STK39: variants seen among roughly 807,000 people sequenced by gnomAD.
The protein encoded by STK39 is serine/threonine kinase 39.
Under a neutral mutation model 77.8 loss-of-function variants are expected in STK39, and 20 were observed. That is an observed-to-expected ratio of 0.26 (90% CI 0.18 to 0.37). STK39 has a LOEUF of 0.37. Ranked by LOEUF, STK39 falls within the 10% of genes least tolerant of loss-of-function variation. The pLI is 1.00. For missense variants in STK39, 479 were observed against 656.5 expected, an observed-to-expected ratio of 0.73 and a Z score of 2.95; for synonymous variants, 246 against 234.1, an observed-to-expected ratio of 1.05 and a Z score of -0.47.
intron 8 of STK39, among the ~76,000 whole-genome samples, chr2:168,134,015 G>C (rs750910286): frequency 6.6e-6 from 1 of 152,076 alleles, no homozygotes; most frequent in South Asian, 2.1e-4. Flanking sequence ...TGGCTAATGT[G>C]GAACCACCAG....
chr2:168,242,319 T>G (rs61063785), intron 1 of STK39, among the ~76,000 whole-genome samples: 3,864 of 151,640 alleles, frequency 0.025, 169 homozygotes, highest in African/African-American at 0.084. Context: ...CCCAGCAACT[T>G]GGGAGGCTGA....
chr2:168,107,435 T>C (rs1316612954), intron 10 of STK39, among the ~76,000 whole-genome samples: 1 of 152,202 alleles, frequency 6.6e-6, no homozygotes, highest in Non-Finnish European at 1.5e-5. Flanking sequence ...ATACCTCTCC[T>C]AAAAGATGTT....
At chr2:168,016,442 ATAG>A (rs1684412763) in intron 15 of STK39, among the ~76,000 whole-genome samples, 1 of 150,770 alleles carries the variant, frequency 6.6e-6, no homozygotes, top group Non-Finnish European at 1.5e-5. Context: ...GTGAAATAAG[ATAG>A]GAAATCCTCC....
chr2:168,151,056 T>G (rs1487124477), intron 5 of STK39, among the ~76,000 whole-genome samples: 1 of 152,136 alleles, frequency 6.6e-6, no homozygotes, highest in Non-Finnish European at 1.5e-5. Flanking sequence ...TGGCATGGTG[T>G]CCAAGTCATT....
At chr2:168,022,168 G>A (rs997098458) in intron 14 of STK39, among the ~76,000 whole-genome samples, 39 of 152,132 alleles carry the variant, frequency 2.6e-4, no homozygotes, top group Non-Finnish European at 8.8e-5. Context: ...CCCATTCTAT[G>A]AACAGACTGT....
At chr2:168,165,001 G>A (rs982425925) in intron 3 of STK39, among the ~76,000 whole-genome samples, 2 of 151,906 alleles carry the variant, frequency 1.3e-5, no homozygotes, top group Admixed American at 1.3e-4. Flanking sequence ...ACAGCTGCCT[G>A]CCCCTCATTA....
intron 12 of STK39, among the ~76,000 whole-genome samples, chr2:168,070,442 TC>T (rs1341466966): frequency 7.3e-5 from 11 of 151,152 alleles, no homozygotes; most frequent in African/African-American, 9.8e-5. Context: ...CTTCGATATT[TC>T]TTTTTTTTTT....
At chr2:168,154,394 G>C (rs966342884) in intron 5 of STK39, among the ~76,000 whole-genome samples, 2 of 152,106 alleles carry the variant, frequency 1.3e-5, no homozygotes, top group African/African-American at 4.8e-5. Context: ...GACCACTGGG[G>C]GCCTAGACTG....
chr2:168,116,633 C>A (rs1687265920), intron 10 of STK39, among the ~76,000 whole-genome samples: 1 of 152,142 alleles, frequency 6.6e-6, no homozygotes, highest in Non-Finnish European at 1.5e-5. Context: ...ACATATGTAC[C>A]ACACCCCCTG....
At chr2:168,039,268 C>A (rs1044156562) in intron 14 of STK39, among the ~76,000 whole-genome samples, 8 of 152,078 alleles carry the variant, frequency 5.3e-5, no homozygotes, top group Non-Finnish European at 7.3e-5. Context: ...ATATAAAAGT[C>A]TATAAAATTC....
intron 14 of STK39, among the ~76,000 whole-genome samples, chr2:168,032,892 T>A (rs939423039): frequency 6.6e-6 from 1 of 152,236 alleles, no homozygotes; most frequent in Non-Finnish European, 1.5e-5. Context: ...AACTTTAATT[T>A]AAGAAAATTA....
At chr2:168,082,110 CCTT>C (rs1227321629) in intron 10 of STK39, among the ~76,000 whole-genome samples, 1 of 152,158 alleles carries the variant, frequency 6.6e-6, no homozygotes, top group Non-Finnish European at 1.5e-5. Context: ...ACAATGGATT[CCTT>C]CTTTTTACAA....
intron 5 of STK39, among the ~76,000 whole-genome samples, chr2:168,147,802 A>G (rs1261100113): frequency 1.3e-5 from 2 of 152,188 alleles, no homozygotes; most frequent in Admixed American, 1.3e-4. Flanking sequence ...TAAAAGCACC[A>G]TCTTCTGCTG....
At chr2:168,158,840 T>C (rs1273378397) in intron 5 of STK39, among the ~76,000 whole-genome samples, 2 of 152,214 alleles carry the variant, frequency 1.3e-5, no homozygotes, top group Admixed American at 6.5e-5. Flanking sequence ...CAAGACACAT[T>C]AGTTCCTGAT....
At chr2:168,124,136 T>A (rs1687480410) in intron 10 of STK39, among the ~76,000 whole-genome samples, 1 of 152,094 alleles carries the variant, frequency 6.6e-6, no homozygotes, top group Non-Finnish European at 1.5e-5. Context: ...ACCCTTTACC[T>A]CCTTCTGATA....
At chr2:167,992,870 C>T (rs1683735916) in intron 16 of STK39, among the ~76,000 whole-genome samples, 1 of 152,156 alleles carries the variant, frequency 6.6e-6, no homozygotes. Context: ...TAAAAATAAA[C>T]ACATATAGCA....
chr2:168,032,203 G>A (rs150758165), intron 14 of STK39, among the ~76,000 whole-genome samples: 5 of 152,260 alleles, frequency 3.3e-5, no homozygotes, highest in East Asian at 3.9e-4. Context: ...ATATGTAATC[G>A]TATTTCAAAC....
At chr2:168,173,414 C>G (rs1271175465) in intron 2 of STK39, among the ~76,000 whole-genome samples, 1 of 152,008 alleles carries the variant, frequency 6.6e-6, no homozygotes, top group Non-Finnish European at 1.5e-5. Context: ...CAGGTTTAAC[C>G]AAAAACAAAT....
intron 16 of STK39, among the ~76,000 whole-genome samples, chr2:167,982,891 T>C (rs1683459169): frequency 6.6e-6 from 1 of 152,166 alleles, no homozygotes; most frequent in African/African-American, 2.4e-5. Context: ...ACAGAAGTAA[T>C]CTTCCTGACC....
Sources: gnomAD v4.1 joint callset for allele counts (sites outside exome capture counted in the v4.1 genomes callset) on GRCh38, gnomAD v4.1.1 for gene constraint, MANE v1.5 for transcripts, NCBI Gene and HGNC (gene_info 2026-07-23, HGNC 2026-07-21) for gene names.